PDE10A: variants seen among roughly 807,000 people sequenced by gnomAD.
PDE10A encodes cAMP and cAMP-inhibited cGMP 3',5'-cyclic phosphodiesterase 10A.
PDE10A carries 39 observed loss-of-function variants against 97.7 expected under a neutral mutation model. The observed-to-expected ratio is 0.40, with a 90% confidence interval of 0.31 to 0.52. The LOEUF is 0.52. Ranked by LOEUF, PDE10A falls within the 20% of genes least tolerant of loss-of-function variation. The pLI is 0.56. For synonymous variants in PDE10A, 371 were observed against 376.8 expected (o/e 0.98, Z 0.18); for missense variants, 731 against 1,047.8 (o/e 0.70, Z 4.17).
chr6:165,739,909 T>C (rs980561955), intron 1 of PDE10A, among the ~76,000 whole-genome samples: 4 of 152,026 alleles, frequency 2.6e-5, no homozygotes, highest in Non-Finnish European at 5.9e-5. Context: ...TAAACCACAA[T>C]GAGGTATCAT....
At position 165,819,466 on chromosome 6, in the gene PDE10A, G is replaced by A. The variant is rs369832269; in HGVS notation, c.-615+168063C>T. ...CAGACGGCCGCTGGCACCACTCTCC[G>A]AGACACGCTTGCACCCTGCACGTGC... On this transcript the variant is annotated intron_variant, in intron 1 of 19. Transcript: ENST00000366882. The surrounding 1 kb of genome is among the most constrained non-coding windows in gnomAD (Gnocchi z 4.2). Among the ~76,000 whole-genome samples the A allele has an allele frequency of 1.1e-3, 163 of 152,204 alleles. No homozygotes were observed. Among genetic ancestry groups the A allele is most frequent in the African/African-American group, 3.5e-3 (144 of 41,532 alleles).
chr6:165,798,874 A>G (rs1441582220), intron 1 of PDE10A, among the ~76,000 whole-genome samples: 1 of 152,082 alleles, frequency 6.6e-6, no homozygotes, highest in East Asian at 1.9e-4. Flanking sequence ...CGCCAGGCTA[A>G]TTTTGGTGTT....
At chr6:165,570,645 G>A (rs1224065988) in intron 1 of PDE10A, among the ~76,000 whole-genome samples, 1 of 152,076 alleles carries the variant, frequency 6.6e-6, no homozygotes, top group African/African-American at 2.4e-5. Flanking sequence ...AACACAAAAG[G>A]GTCTGTCAGA....
intron 1 of PDE10A, among the ~76,000 whole-genome samples, chr6:165,700,584 T>C (rs1791544700): frequency 6.6e-6 from 1 of 152,192 alleles, no homozygotes; most frequent in Non-Finnish European, 1.5e-5. Context: ...TAATGTTATA[T>C]AAAATAAGAG....
intron 1 of PDE10A, chr6:165,950,013 T>G (rs1416670747): frequency 6.6e-6 from 1 of 152,242 alleles, no homozygotes; most frequent in African/African-American, 2.4e-5. Context: ...AAGAGGCATC[T>G]TTTAAAAATA....
At chr6:165,343,048 T>A (rs1782069801) in intron 19 of PDE10A, among the ~76,000 whole-genome samples, 1 of 152,214 alleles carries the variant, frequency 6.6e-6, no homozygotes, top group Admixed American at 6.5e-5. Context: ...ACCCTCTGAG[T>A]ACTTTGTCCA....
At chr6:165,974,431 C>G (rs909827552) in intron 1 of PDE10A, among the ~76,000 whole-genome samples, 8 of 152,148 alleles carry the variant, frequency 5.3e-5, no homozygotes, top group African/African-American at 1.9e-4. Flanking sequence ...GAGGAAAGAA[C>G]CTGTCTGCCC....
At chr6:165,868,909 G>A (rs1247104692) in intron 1 of PDE10A, among the ~76,000 whole-genome samples, 1 of 151,678 alleles carries the variant, frequency 6.6e-6, no homozygotes, top group Admixed American at 6.6e-5. Context: ...GCAGAATGAA[G>A]AACAAAATCC....
intron 1 of PDE10A, among the ~76,000 whole-genome samples, chr6:165,753,002 A>G (rs1055419254): frequency 6.6e-6 from 1 of 152,222 alleles, no homozygotes; most frequent in Admixed American, 6.5e-5. Context: ...ACGCCCATTT[A>G]TGCTGCATCT....
At chr6:165,871,812 C>G (rs991492781) in intron 1 of PDE10A, among the ~76,000 whole-genome samples, 1 of 152,038 alleles carries the variant, frequency 6.6e-6, no homozygotes, top group Non-Finnish European at 1.5e-5. Context: ...GAGGGGAGTG[C>G]TTTGATCCTG....
chr6:165,850,267 C>A (rs1473834946), intron 1 of PDE10A, among the ~76,000 whole-genome samples: 1 of 152,188 alleles, frequency 6.6e-6, no homozygotes, highest in East Asian at 1.9e-4. Flanking sequence ...TAACATCATC[C>A]GTGCAAATAT....
chr6:165,875,745 T>TG (rs1220965051), intron 1 of PDE10A, among the ~76,000 whole-genome samples: 1 of 150,658 alleles, frequency 6.6e-6, no homozygotes, highest in Non-Finnish European at 1.5e-5. Flanking sequence ...TTTTTTTTTT[T>TG]TTGTGTGTGT....
intron 1 of PDE10A, among the ~76,000 whole-genome samples, chr6:165,890,593 A>G (rs1781765556): frequency 6.6e-6 from 1 of 152,202 alleles, no homozygotes; most frequent in Non-Finnish European, 1.5e-5. Flanking sequence ...CTAGGCAGGT[A>G]GAGAAAGCCC....
At chr6:165,973,843 T>A (rs761040995) in intron 1 of PDE10A, among the ~76,000 whole-genome samples, 5 of 152,240 alleles carry the variant, frequency 3.3e-5, no homozygotes, top group Admixed American at 6.5e-5. Context: ...TCACAATTCA[T>A]CTTCTTTGAT....
intron 1 of PDE10A, among the ~76,000 whole-genome samples, chr6:165,547,167 A>G (rs918870127): frequency 5.3e-5 from 8 of 152,166 alleles, no homozygotes; most frequent in African/African-American, 1.9e-4. Flanking sequence ...ATTTTAAAAT[A>G]TATCATTCCT....
At position 165,681,394 on chromosome 6, in the gene PDE10A, A is replaced by ATGTGTGTGTGTGTGTG. The variant is rs145137771; in HGVS notation, c.-614-137842_-614-137827dup. 1.7e-4 allele frequency among the ~76,000 whole-genome samples: 26 copies of ATGTGTGTGTGTGTGTG among 150,560 alleles called. 1 individual carries two copies. Among genetic ancestry groups the ATGTGTGTGTGTGTGTG allele is most frequent in the African/African-American group, 6.4e-4 (26 of 40,832 alleles). On this transcript the variant is annotated intron_variant, in intron 1 of 19. Transcript: ENST00000366882. ...TAACCTCAATAATTGTCTTGGGAAA[A>ATGTGTGTGTGTGTGTG]TGTGTGTGTGTGTGTGTGTGTGTGT...
chr6:165,907,439 T>C (rs918977440), intron 1 of PDE10A, among the ~76,000 whole-genome samples: 1 of 152,204 alleles, frequency 6.6e-6, no homozygotes, highest in African/African-American at 2.4e-5. Context: ...TGGATTCAGG[T>C]GCGAGTCACT....
intron 1 of PDE10A, among the ~76,000 whole-genome samples, chr6:165,860,279 C>A (rs964750312): frequency 3.9e-5 from 6 of 152,048 alleles, no homozygotes; most frequent in African/African-American, 1.2e-4. Context: ...CATGGAGAAA[C>A]CCCATCTCTA....
At chr6:165,618,963 A>ACTAGTGTAGTGTAGT (rs1335918631) in intron 1 of PDE10A, among the ~76,000 whole-genome samples, 4 of 60,482 alleles carry the variant, frequency 6.6e-5, no homozygotes, top group African/African-American at 4.8e-4. Flanking sequence ...TGCAGTGTAG[A>ACTAGTGTAGTGTAGT]CTAGTGTAGT....
Sources: gnomAD v4.1 joint callset for allele counts (sites outside exome capture counted in the v4.1 genomes callset) on GRCh38, gnomAD v4.1.1 for gene constraint, Gnocchi (gnomAD v3.1) non-coding constraint, MANE v1.5 for transcripts, NCBI Gene and HGNC (gene_info 2026-07-23, HGNC 2026-07-21) for gene names.